The following HNF1B variants were observed in gnomAD, a reference collection of about 807,000 sequenced individuals.
HNF1B encodes the protein HNF1 homeobox B.
In HNF1B, 8 loss-of-function variants were observed where a neutral mutation model predicts 61.7. The observed-to-expected ratio is 0.13, with a 90% CI of 0.08 to 0.23. The LOEUF (loss-of-function observed/expected upper bound fraction) is 0.23. Among genes scored for constraint, HNF1B ranks in the 10% least tolerant of loss-of-function variants. The probability of loss-of-function intolerance (pLI) is 1.00; values close to 1 mark genes in which losing one functional copy is unlikely to be tolerated. For synonymous variants in HNF1B, 314 were observed against 287.7 expected (o/e 1.09, Z -0.93); for missense variants, 562 against 714.5 (o/e 0.79, Z 2.43).
In HNF1B at chr17:37,693,470, T is replaced by C. The variant is rs377361382; in HGVS notation, c.1653+5606A>G. On this transcript the variant is annotated intron_variant, in intron 8 of 8. Transcript: ENST00000617811. ...GTAGCTCAGGTCTGCTGGCGTTTCC[T>C]ACCACTGTACAATACCTCTAAAATA... Among the ~76,000 whole-genome samples the C allele has an allele frequency of 2.0e-5, 3 of 152,222 alleles. No individual in the cohort carries two copies. The East Asian group carries it at 5.8e-4, about 29-fold the overall frequency.
At chr17:37,735,398 G>A (rs761663915) in intron 2 of HNF1B, among the ~76,000 whole-genome samples, 8 of 152,194 alleles carry the variant, frequency 5.3e-5, no homozygotes, top group East Asian at 1.9e-4. Flanking sequence ...CCCCTAGCCC[G>A]CCAAGACTTG....
At chr17:37,720,477 C>T (rs545256205) in intron 4 of HNF1B, among the ~76,000 whole-genome samples, 1 of 151,644 alleles carries the variant, frequency 6.6e-6, no homozygotes, top group Non-Finnish European at 1.5e-5. Flanking sequence ...GACACTGTTT[C>T]TAGAGAAGAG....
intron 3 of HNF1B, among the ~76,000 whole-genome samples, chr17:37,732,255 G>T (rs1442828828): frequency 1.3e-5 from 2 of 152,174 alleles, no homozygotes; most frequent in Non-Finnish European, 2.9e-5. Flanking sequence ...TGGTCTTTTG[G>T]GGCTTGAACT....
chr17:37,744,417 C>T (rs1371914025), intron 1 of HNF1B, 124 bp downstream of exon 1: 2 of 963,998 alleles, frequency 2.1e-6, no homozygotes, highest in South Asian at 1.4e-5. Context: ...AGCAGAGCGC[C>T]CCCCGGGGGA....
chr17:37,710,790 C>T, intron 4 of HNF1B, 127 bp from the exon 5 acceptor site: 1 of 868,590 alleles, frequency 1.2e-6, no homozygotes, highest in Non-Finnish European at 1.9e-6. Flanking sequence ...CCCCTGTCCA[C>T]CCACAAGAAA....
intron 8 of HNF1B, among the ~76,000 whole-genome samples, chr17:37,688,352 A>C (rs2032052577): frequency 6.8e-6 from 1 of 147,540 alleles, no homozygotes; most frequent in South Asian, 2.1e-4. Context: ...CCTTTGACTT[A>C]GTGGCTTATT....
chr17:37,697,786 G>A (rs2147438136), intron 8 of HNF1B, among the ~76,000 whole-genome samples: 1 of 152,250 alleles, frequency 6.6e-6, no homozygotes, highest in East Asian at 1.9e-4. Flanking sequence ...GAGTGGCAAA[G>A]CAGGTCCCAC....
At chr17:37,693,927 C>G (rs770680824) in intron 8 of HNF1B, among the ~76,000 whole-genome samples, 73 of 152,354 alleles carry the variant, frequency 4.8e-4, no homozygotes, top group Non-Finnish European at 7.8e-4. Context: ...CACCATATGA[C>G]ATGCCTATTC....
chr17:37,704,089 AAAC>A (rs1296371990), intron 6 of HNF1B, among the ~76,000 whole-genome samples: 1 of 152,236 alleles, frequency 6.6e-6, no homozygotes, highest in Non-Finnish European at 1.5e-5. Flanking sequence ...TGGTTTTGAG[AAAC>A]AACGACACCT....
chr17:37,705,263 A>G lies in HNF1B; in HGVS notation c.1207-214T>C, dbSNP rs564390180. ...GACAGGAGGACTGCCTGAGCTCAGG[A>G]GTTCAAGACCAGCCTGGGCAACATG... On this transcript the variant is annotated intron_variant, in intron 5 of 8. Coordinates refer to ENST00000617811, the MANE Select transcript of HNF1B (RefSeq NM_000458.4). Among the ~76,000 whole-genome samples the G allele has an allele frequency of 7.0e-4, 106 of 152,270 alleles. 1 individual carries two copies. Among genetic ancestry groups the G allele is most frequent in the Middle Eastern group, 6.8e-3 (2 of 294 alleles).
intron 8 of HNF1B, 57 bp from the exon 9 acceptor site, chr17:37,687,449 C>T: frequency 7.2e-7 from 1 of 1,386,616 alleles, no homozygotes; most frequent in Non-Finnish European, 1.0e-6. Context: ...GGTCATGGGC[C>T]ATTAGTTTGG....
At chr17:37,721,699 A>T (rs1289994991) in intron 4 of HNF1B, among the ~76,000 whole-genome samples, 1 of 146,880 alleles carries the variant, frequency 6.8e-6, no homozygotes, top group Non-Finnish European at 1.5e-5. Flanking sequence ...AACCCTGACT[A>T]TGCATCCAAA....
At chr17:37,738,294 C>T (rs183588338) in intron 2 of HNF1B, among the ~76,000 whole-genome samples, 13 of 152,342 alleles carry the variant, frequency 8.5e-5, no homozygotes, top group Non-Finnish European at 1.5e-4. Context: ...ATGCTCCCAA[C>T]AAAAGCACAA....
chr17:37,736,908 A>G (rs1016887232), intron 2 of HNF1B, among the ~76,000 whole-genome samples: 8 of 152,194 alleles, frequency 5.3e-5, no homozygotes, highest in African/African-American at 1.9e-4. Context: ...TGCTCCCTCT[A>G]GCCACCAACA....
chr17:37,693,365 ATTTATAGATGAAG>A (rs1213155917), intron 8 of HNF1B, among the ~76,000 whole-genome samples: 3 of 152,086 alleles, frequency 2.0e-5, no homozygotes, highest in Non-Finnish European at 4.4e-5. Flanking sequence ...GATTTTCCCC[ATTTATAGATGAAG>A]AAACTGAGTC....
intron 1 of HNF1B, 120 bp downstream of exon 1, chr17:37,744,421 C>T: frequency 2.9e-6 from 3 of 1,022,188 alleles, no homozygotes; most frequent in Non-Finnish European, 2.9e-6. Context: ...GAGCGCCCCC[C>T]GGGGGACTTC....
At position 37,731,616 on chromosome 17, in the gene HNF1B, A is replaced by G. The variant is rs1282596664; in HGVS notation, c.1024T>C (p.Ser342Pro). 2 of 1,613,206 alleles carry G rather than the reference A, an allele frequency of 1.2e-6. No homozygotes were observed. Among genetic ancestry groups the G allele is most frequent in the Non-Finnish European group, 1.7e-6 (2 of 1,179,580 alleles). ...TTACCTGACAGCTTGTTTGGAGGAG[A>G]GGAGCTGGGCTGGTGGTGGGGGGAG... Reference protein sequence around the residue: ...HGSPHHQPSSSPPNKLSGVRY... With the variant: ...HGSPHHQPSSPPPNKLSGVRY... Residue 342 changes from serine (S) to proline (P), a missense_variant, in exon 4 of 9, where the codon TCT (serine) becomes CCT (proline). Physicochemically the swap from Ser to Pro is moderately conservative, Grantham distance 74. This residue lies in a region of HNF1B where 211 missense variants were observed against 200.7 expected (regional missense o/e 1.05). Transcript: ENST00000617811.
In HNF1B at chr17:37,743,331, T is replaced by C. The variant is rs181199683; in HGVS notation, c.344+1210A>G. Among the ~76,000 whole-genome samples, 887 of 152,318 alleles carry C rather than the reference T, an allele frequency of 5.8e-3. 9 individuals carry two copies. The highest frequency in any genetic ancestry group is 0.02 in the African/African-American group (843 of 41,588). ...ACACCTTCCGCCTCGCGGAACTCTC[T>C]TGCAGGAGTTCTCTCCCGGTAGGGG... On this transcript the variant is annotated intron_variant, in intron 1 of 8. Transcript: ENST00000617811.
At chr17:37,723,309 T>C (rs8066151) in intron 4 of HNF1B, among the ~76,000 whole-genome samples, 76,165 of 151,486 alleles carry the variant, frequency 0.5, 20,181 homozygotes, top group African/African-American at 0.69. Context: ...ATCGCGCCAC[T>C]GCACTCCAGC....
Sources: allele counts gnomAD v4.1 joint callset (sites outside exome capture counted in the v4.1 genomes callset), GRCh38; gene constraint gnomAD v4.1.1; regional missense constraint gnomAD v4.1.1; transcripts MANE v1.5; gene names NCBI Gene and HGNC (gene_info 2026-07-23, HGNC 2026-07-21).